Variants in RIN2 observed in about 807,000 individuals in gnomAD.
The protein encoded by RIN2 is Ras and Rab interactor 2, also known as RAB5 interacting protein 2.
In RIN2, 36 loss-of-function variants were observed where a neutral mutation model predicts 78.0. The ratio of observed to expected loss-of-function variants is 0.46; its 90% CI spans 0.35 to 0.61. The LOEUF (loss-of-function observed/expected upper bound fraction) is 0.61. Among genes scored for constraint, RIN2 ranks in the 20% least tolerant of loss-of-function variants. RIN2 has a pLI of 0.00. For synonymous variants in RIN2, 466 were observed against 466.8 expected, an observed-to-expected ratio of 1.00 and a Z score of 0.02; for missense variants, 1,087 against 1,159.7, an observed-to-expected ratio of 0.94 and a Z score of 0.91.
intron 4 of RIN2, among the ~76,000 whole-genome samples, chr20:19,954,010 A>C (rs6112684): frequency 0.032 from 4,885 of 152,294 alleles, 114 homozygotes; most frequent in Non-Finnish European, 0.043. Context: ...ATCTTGAATG[A>C]ATGAGTGAGA....
chr20:19,961,064 T>C (rs147725799), intron 6 of RIN2, among the ~76,000 whole-genome samples: 1 of 152,298 alleles, frequency 6.6e-6, no homozygotes, highest in African/African-American at 2.4e-5. Flanking sequence ...TGGCATATGG[T>C]AGGGAACTAA....
chr20:19,797,143 T>C (rs2038414), intron 1 of RIN2, among the ~76,000 whole-genome samples: 3,308 of 152,302 alleles, frequency 0.022, 90 homozygotes, highest in South Asian at 0.069. Flanking sequence ...CGCAGGGCAC[T>C]GGAGTCTGCT....
At chr20:19,948,030 C>T (rs2041162856) in intron 4 of RIN2, among the ~76,000 whole-genome samples, 1 of 152,236 alleles carries the variant, frequency 6.6e-6, no homozygotes, top group African/African-American at 2.4e-5. Flanking sequence ...AATCCTTCCT[C>T]CAACTAACTG....
chr20:19,802,520 C>A (rs558083261), intron 2 of RIN2, among the ~76,000 whole-genome samples: 18 of 151,910 alleles, frequency 1.2e-4, no homozygotes, highest in Admixed American at 7.2e-4. Context: ...CTTGGCCTCC[C>A]TCCCTTCCCC....
At chr20:19,851,033 G>T (rs1179765279) in intron 2 of RIN2, among the ~76,000 whole-genome samples, 2 of 111,598 alleles carry the variant, frequency 1.8e-5, no homozygotes, top group Admixed American at 8.9e-5. Flanking sequence ...AAGGAAGGAA[G>T]GAAGGAAGGA....
intron 2 of RIN2, among the ~76,000 whole-genome samples, chr20:19,815,479 G>A (rs553611981): frequency 6.6e-6 from 1 of 152,298 alleles, no homozygotes; most frequent in African/African-American, 2.4e-5. Flanking sequence ...ACTACATTGT[G>A]CATTATATGA....
chr20:19,886,623 T>TTTTTTTTTTTTTTTC, intron 2 of RIN2: 1 of 829,194 alleles, frequency 1.2e-6, no homozygotes, highest in Admixed American at 2.7e-5. Context: ...TTTTTTTTTT[T>TTTTTTTTTTTTTTTC]TTTTTTTTGC....
intron 2 of RIN2, among the ~76,000 whole-genome samples, chr20:19,801,479 C>T (rs375034714): frequency 1.3e-5 from 2 of 152,188 alleles, no homozygotes; most frequent in East Asian, 1.9e-4. Flanking sequence ...CACCACCACG[C>T]CCGGCTAATT....
At chr20:19,788,432 C>CAAAAAAAAAAAAAAAAAAAAAACAAA (rs1224663738) in intron 1 of RIN2, among the ~76,000 whole-genome samples, 1 of 53,744 alleles carries the variant, frequency 1.9e-5, no homozygotes, top group African/African-American at 1.1e-4. Flanking sequence ...CTGTCTCTGC[C>CAAAAAAAAAAAAAAAAAAAAAACAAA]AAAAAAAAAA....
chr20:19,991,807 G>T (rs565241388), intron 10 of RIN2, among the ~76,000 whole-genome samples: 2 of 152,310 alleles, frequency 1.3e-5, no homozygotes, highest in African/African-American at 4.8e-5. Flanking sequence ...AAGACACAAA[G>T]AATTAGCATA....
intron 1 of RIN2, among the ~76,000 whole-genome samples, chr20:19,784,424 G>C (rs2034607975): frequency 6.8e-6 from 1 of 146,790 alleles, no homozygotes; most frequent in Admixed American, 6.6e-5. Context: ...CTTGTATTGT[G>C]AAGAGCAAAT....
intron 3 of RIN2, among the ~76,000 whole-genome samples, chr20:19,914,790 C>T (rs527356548): frequency 5.5e-4 from 84 of 152,282 alleles, no homozygotes; most frequent in African/African-American, 1.7e-3. Context: ...CTAGGTCATG[C>T]GTGTGCACAT....
intron 2 of RIN2, among the ~76,000 whole-genome samples, chr20:19,858,679 C>A (rs890040880): frequency 6.6e-6 from 1 of 152,184 alleles, no homozygotes; most frequent in Non-Finnish European, 1.5e-5. Context: ...GGAAATGAAA[C>A]CTCCATTTGG....
chr20:19,991,519 T>A (rs556163850), intron 10 of RIN2, among the ~76,000 whole-genome samples: 1 of 152,326 alleles, frequency 6.6e-6, no homozygotes, highest in Non-Finnish European at 1.5e-5. Flanking sequence ...GTTATGTCAA[T>A]GAAAAATGTC....
intron 1 of RIN2, among the ~76,000 whole-genome samples, chr20:19,767,684 G>C (rs1387046364): frequency 7.0e-6 from 1 of 142,118 alleles, no homozygotes; most frequent in Non-Finnish European, 1.5e-5. Context: ...AGGACTTTGT[G>C]GGGGCTAAGG....
At chr20:19,971,886 C>T (rs538226794) in intron 8 of RIN2, among the ~76,000 whole-genome samples, 7 of 152,038 alleles carry the variant, frequency 4.6e-5, no homozygotes, top group Non-Finnish European at 2.9e-5. Context: ...GGGTCACAGG[C>T]ACTTGCCACC....
At chr20:19,831,800 A>G (rs887429826) in intron 2 of RIN2, among the ~76,000 whole-genome samples, 2 of 152,246 alleles carry the variant, frequency 1.3e-5, no homozygotes, top group African/African-American at 4.8e-5. Context: ...GATACAATAA[A>G]TACATATGGA....
intron 4 of RIN2, among the ~76,000 whole-genome samples, chr20:19,946,711 C>A: frequency 1.2e-5 from 1 of 86,580 alleles, no homozygotes; most frequent in Non-Finnish European, 2.0e-5. Flanking sequence ...AAGATTCTAT[C>A]TCAAAAAAAA....
At chr20:19,921,713 G>T (rs1600808618) in intron 3 of RIN2, among the ~76,000 whole-genome samples, 1 of 152,210 alleles carries the variant, frequency 6.6e-6, no homozygotes, top group Non-Finnish European at 1.5e-5. Flanking sequence ...GAAGAACTGT[G>T]TGAAAGTGGC....
Sources: gnomAD v4.1 joint callset for allele counts (sites outside exome capture counted in the v4.1 genomes callset) on GRCh38, gnomAD v4.1.1 for gene constraint, MANE v1.5 for transcripts, NCBI Gene and HGNC (gene_info 2026-07-23, HGNC 2026-07-21) for gene names.